The following TLE3 variants were observed in gnomAD, a reference collection of about 807,000 sequenced individuals.
TLE3 encodes the protein transducin-like enhancer protein 3.
A neutral mutation model predicts 93.0 loss-of-function variants in TLE3; 14 were observed. That is an observed-to-expected ratio of 0.15 (90% CI 0.10 to 0.24). TLE3 has a LOEUF of 0.24. Among genes scored for constraint, TLE3 ranks in the 10% least tolerant of loss-of-function variants. TLE3 has a pLI of 1.00. For missense variants in TLE3, 693 were observed against 1,046.6 expected (o/e 0.66, Z 4.66); for synonymous variants, 451 against 425.0 (o/e 1.06, Z -0.75).
intron 4 of TLE3, among the ~76,000 whole-genome samples, chr15:70,090,922 A>G (rs1738865706): frequency 6.6e-6 from 1 of 152,200 alleles, no homozygotes; most frequent in Non-Finnish European, 1.5e-5. Flanking sequence ...GCCTGTTTGG[A>G]TAATAACACA....
chr15:70,056,254 C>T lies in TLE3; in HGVS notation c.1328+44G>A, dbSNP rs748591989. On this transcript the variant is annotated intron_variant, in intron 14 of 19. Transcript: ENST00000451782. The stretch of plus-strand genomic sequence containing the variant: ...GGAATTGGGGGTAGAGTGCTCTCTC[C>T]TGCCCACCCTACAAAGCATGCAGTA... The T allele has an allele frequency of 2.5e-6, 4 of 1,595,250 alleles. No individual in the cohort carries two copies. The Admixed American group carries it at 6.7e-5, about 27-fold the overall frequency.
intron 4 of TLE3, among the ~76,000 whole-genome samples, chr15:70,082,562 C>G (rs1018686430): frequency 5.3e-5 from 8 of 152,200 alleles, no homozygotes; most frequent in African/African-American, 1.9e-4. Context: ...GCCCTTTTAG[C>G]ACTGACATAT....
intron 7 of TLE3, 30 bp downstream of exon 7, chr15:70,065,984 G>GCCCCCCC: frequency 3.9e-6 from 3 of 768,842 alleles, no homozygotes; most frequent in Non-Finnish European, 4.2e-6. Flanking sequence ...CCCCTGCCCC[G>GCCCCCCC]CCCCACCCTC....
At chr15:70,084,234 G>A (rs1463454881) in intron 4 of TLE3, among the ~76,000 whole-genome samples, 2 of 152,170 alleles carry the variant, frequency 1.3e-5, no homozygotes, top group Admixed American at 1.3e-4. Flanking sequence ...CTATAACAAG[G>A]CCTCTCAACC....
chr15:70,054,447 G>T lies in TLE3; in HGVS notation c.1817C>A (p.Thr606Asn). The T allele has an allele frequency of 6.2e-7, 1 of 1,613,538 alleles. No homozygotes were observed. The highest frequency in any genetic ancestry group is 8.5e-7 in the Non-Finnish European group (1 of 1,179,568). ...CCTCCTGCCGGCTCACCTGACCAGGGTCTGGTTGTGCAGGTCCCAGACAGC... is the reference window on the plus strand; with the variant it reads ...CCTCCTGCCGGCTCACCTGACCAGGTTCTGGTTGTGCAGGTCCCAGACAGC... ...NIAVWDLHNQ[T>N]LVRQFQGHTD... is the part of the protein sequence containing the mutation. The change falls in exon 16 of 20, where the codon ACC (threonine) becomes AAC (asparagine). Residue 606 changes from threonine to asparagine, a missense_variant. Transcript: ENST00000451782.
At chr15:70,050,531 G>A (rs773806657) in intron 19 of TLE3, 5 of 181,944 alleles carry the variant, frequency 2.7e-5, no homozygotes, top group South Asian at 1.4e-4. Context: ...CTTCTCCTCC[G>A]AGTTTACAAA....
At position 70,049,966 on chromosome 15, in the gene TLE3, G is replaced by T. The variant is rs983009747; in HGVS notation, c.*131C>A. Reference sequence around the variant, plus strand: ...GGGCACGTGCCCTCTCAGCCGGCCGGAGCGCAGCCCTGAACGCTCGGCTGC... The same window carrying T: ...GGGCACGTGCCCTCTCAGCCGGCCGTAGCGCAGCCCTGAACGCTCGGCTGC... On this transcript the variant is annotated 3_prime_UTR_variant, in exon 20 of 20. Transcript: ENST00000451782. The T allele has an allele frequency of 4.2e-6, 3 of 708,052 alleles. No homozygotes were observed. The East Asian group carries it at 7.6e-5, about 18-fold the overall frequency. The allele number at this position is 708,052 out of a possible 1,614,324, so 43.9% of individuals were successfully genotyped here. A position where few individuals can be genotyped will look rare whatever the true frequency, so the allele number is the denominator to read the frequency against.
intron 2 of TLE3, chr15:70,095,910 C>T (rs2058532781): frequency 1.6e-6 from 1 of 628,644 alleles, no homozygotes; most frequent in Non-Finnish European, 2.7e-6. Flanking sequence ...CACCCAGAAC[C>T]CGGAGTGAAC....
At chr15:70,060,802 C>T in intron 8 of TLE3, 153 bp from the exon 9 acceptor site, 2 of 1,372,002 alleles carry the variant, frequency 1.5e-6, no homozygotes, top group Non-Finnish European at 2.0e-6. Context: ...TCCATCAGAG[C>T]CTTGCCAGGG....
chr15:70,093,861 CTCGAAAG>C (rs1418977428), intron 4 of TLE3, among the ~76,000 whole-genome samples: 1 of 152,190 alleles, frequency 6.6e-6, no homozygotes, highest in African/African-American at 2.4e-5. Context: ...CCCCAGCCAT[CTCGAAAG>C]TCCTGGCTAG....
chr15:70,054,940 G>A (rs1181293318), intron 15 of TLE3, 109 bp downstream of exon 15: 2 of 1,437,516 alleles, frequency 1.4e-6, no homozygotes, highest in African/African-American at 1.4e-5. Flanking sequence ...GCCTAAAGTT[G>A]CTCAGCCAAT....
intron 6 of TLE3, among the ~76,000 whole-genome samples, chr15:70,072,064 C>T (rs909287785): frequency 3.3e-4 from 51 of 152,310 alleles, no homozygotes; most frequent in Middle Eastern, 3.4e-3. Flanking sequence ...AGCGATTAGA[C>T]GGCTGCCTGC....
intron 4 of TLE3, among the ~76,000 whole-genome samples, chr15:70,084,624 C>G (rs970227697): frequency 4.6e-5 from 7 of 152,182 alleles, no homozygotes; most frequent in Non-Finnish European, 1.5e-5. Context: ...GGGAAGCAGG[C>G]CTGGTTTCCA....
chr15:70,049,025 C>T lies in TLE3; in HGVS notation c.*1072G>A, dbSNP rs1342459560. 1 of 150,788 alleles carries T rather than the reference C, an allele frequency of 6.6e-6. No homozygotes were observed. Among genetic ancestry groups the T allele is most frequent in the East Asian group, 1.9e-4 (1 of 5,154 alleles). The allele number at this position is 150,788 out of a possible 1,614,324, so 9.3% of individuals were successfully genotyped here. A position where few individuals can be genotyped will look rare whatever the true frequency, so the allele number is the denominator to read the frequency against. ...ATTAAAAAAAAAAAAAAAGCACCCA[C>T]ATCAGTTGCTATTTTTCTCTGGTAG... is the stretch of plus-strand genomic sequence containing the variant. On this transcript the variant is annotated 3_prime_UTR_variant, in exon 20 of 20. Coordinates refer to ENST00000451782, the MANE Select transcript of TLE3 (RefSeq NM_001105192.3).
At chr15:70,065,970 C>T (rs747644555) in intron 7 of TLE3, 44 bp downstream of exon 7, 2 of 1,076,564 alleles carry the variant, frequency 1.9e-6, no homozygotes, top group South Asian at 2.6e-5. Context: ...AGCGCCCATG[C>T]CCACCCCTGC....
At chr15:70,078,699 G>A (rs2057582310) in intron 4 of TLE3, among the ~76,000 whole-genome samples, 1 of 152,206 alleles carries the variant, frequency 6.6e-6, no homozygotes, top group East Asian at 1.9e-4. Context: ...GGGTGGGGTG[G>A]CACCTCCAAG....
rs571146556 is a variant in TLE3 at position 70,073,550 on chromosome 15, T to C, written c.372+983A>G. On this transcript the variant is annotated intron_variant, in intron 6 of 19. Transcript: ENST00000451782. ...CACTTCAGAATGATCTAGAAATCGTTAGGAACACAGATTTCCAGTCCCATC... is the reference window on the plus strand; with the variant it reads ...CACTTCAGAATGATCTAGAAATCGTCAGGAACACAGATTTCCAGTCCCATC... Among the ~76,000 whole-genome samples, 3 of 152,278 alleles carry C rather than the reference T, an allele frequency of 2.0e-5. No homozygotes were observed. In the South Asian group the frequency reaches 6.2e-4, roughly 32 times the overall value.
At position 70,058,373 on chromosome 15, in the gene TLE3, A is replaced by G. The variant is rs2056229989; in HGVS notation, c.919-82T>C. 3.9e-6 allele frequency: 6 copies of G among 1,524,176 alleles called. No homozygotes were observed. Among genetic ancestry groups the G allele is most frequent in the Non-Finnish European group, 4.4e-6 (5 of 1,135,160 alleles). 94.4% of individuals were successfully genotyped at this position (1,524,176 alleles called of 1,614,324 possible). A position where few individuals can be genotyped will look rare whatever the true frequency, so the allele number is the denominator to read the frequency against. ...CCGGGCACAACTGGTGCCGGTCCCA[A>G]CGTGAAGCCCAGAGCCAGACCCTTA... On this transcript the variant is annotated intron_variant, in intron 11 of 19. Coordinates refer to ENST00000451782, the MANE Select transcript of TLE3 (RefSeq NM_001105192.3). The surrounding 1 kb of genome is among the most constrained non-coding windows in gnomAD (Gnocchi z 4.1).
chr15:70,096,028 C>T, intron 2 of TLE3, 133 bp downstream of exon 2: 1 of 1,085,246 alleles, frequency 9.2e-7, no homozygotes, highest in Non-Finnish European at 1.3e-6. Context: ...AAAGGGGAAA[C>T]AAAAGGCGGA....
Sources: allele counts gnomAD v4.1 joint callset (sites outside exome capture counted in the v4.1 genomes callset), GRCh38; gene constraint gnomAD v4.1.1; non-coding constraint Gnocchi (gnomAD v3.1); transcripts MANE v1.5; gene names NCBI Gene and HGNC (gene_info 2026-07-23, HGNC 2026-07-21).